NTRK1: variants seen among roughly 807,000 people sequenced by gnomAD.
The protein encoded by NTRK1 is neurotrophic receptor tyrosine kinase 1, also known as high affinity nerve growth factor receptor.
A neutral mutation model predicts 86.8 loss-of-function variants in NTRK1; 62 were observed. The observed-to-expected ratio is 0.71, with a 90% CI of 0.58 to 0.88. NTRK1 has a LOEUF of 0.88. NTRK1 is among the 40% of genes least tolerant of loss of function. The pLI, the probability that NTRK1 is intolerant of heterozygous loss-of-function variation, is 0.00. For missense variants in NTRK1, 967 were observed against 1,078.4 expected (o/e 0.90, Z 1.45); for synonymous variants, 469 against 456.6 (o/e 1.03, Z -0.35).
intron 2 of NTRK1, chr1:156,843,124 C>A (rs1398812423): frequency 5.0e-6 from 8 of 1,614,178 alleles, no homozygotes; most frequent in Non-Finnish European, 6.8e-6. Context: ...CCTCTCCAGC[C>A]TCAAGTCCTC....
At chr1:156,872,609 A>G (rs1647624205) in intron 7 of NTRK1, among the ~76,000 whole-genome samples, 1 of 151,236 alleles carries the variant, frequency 6.6e-6, no homozygotes, top group South Asian at 2.1e-4. Context: ...ATATATACAT[A>G]TATTTATGCA....
chr1:156,871,526 T>A, intron 6 of NTRK1, 97 bp from the exon 7 acceptor site: 3 of 1,305,424 alleles, frequency 2.3e-6, no homozygotes, highest in East Asian at 2.4e-5. Context: ...CCTCCTCTCC[T>A]TTCCATCTGG....
intron 2 of NTRK1, chr1:156,845,100 C>A (rs749098508): frequency 6.2e-7 from 1 of 1,610,164 alleles, no homozygotes; most frequent in Non-Finnish European, 8.5e-7. Context: ...CGCGCAAAGA[C>A]GAAGGTGGCG....
intron 2 of NTRK1, chr1:156,846,059 C>A (rs774562883): frequency 4.3e-6 from 7 of 1,612,876 alleles, no homozygotes; most frequent in South Asian, 1.1e-5. Flanking sequence ...TGGCTTCCAG[C>A]GCACCAGGAG....
intron 1 of NTRK1, chr1:156,841,678 G>A (rs767771384): frequency 3.1e-6 from 5 of 1,613,956 alleles, no homozygotes; most frequent in Admixed American, 1.7e-5. Flanking sequence ...ACATCCGAGT[G>A]GGTGGTGAAG....
At chr1:156,861,373 G>A (rs941070806) in intron 1 of NTRK1, among the ~76,000 whole-genome samples, 1 of 151,516 alleles carries the variant, frequency 6.6e-6, no homozygotes, top group African/African-American at 2.4e-5. Flanking sequence ...CAGCTGGGCC[G>A]CCGGCTTCAG....
At chr1:156,848,835 G>A in intron 2 of NTRK1, 1 of 1,471,218 alleles carries the variant, frequency 6.8e-7, no homozygotes, top group Non-Finnish European at 9.1e-7. Flanking sequence ...TAGCCTCGCT[G>A]AGCTCCGCCC....
At chr1:156,842,586 A>G in intron 2 of NTRK1, 1 of 1,063,082 alleles carries the variant, frequency 9.4e-7, no homozygotes. Flanking sequence ...TGCTATGACC[A>G]CAGTCTGACT....
chr1:156,815,822 C>T (rs1571628044), exon 1 of NTRK1: 16 of 1,614,146 alleles, frequency 9.9e-6, no homozygotes, highest in Non-Finnish European at 1.4e-5. Flanking sequence ...GAGTGGGCAA[C>T]TCGGCGCATG....
rs2102910464 is a variant in NTRK1 at position 156,874,656 on chromosome 1, C to T, written c.1251+30C>T. 5 of 1,605,198 alleles carry T rather than the reference C, an allele frequency of 3.1e-6. No homozygotes were observed. The South Asian group carries it at 3.3e-5, about 11-fold the overall frequency. On this transcript the variant is annotated intron_variant, in intron 10 of 16. Transcript: ENST00000524377. The stretch of plus-strand genomic sequence containing the variant: ...GATAGGAAGTAGAAGCTTGTGCAGA[C>T]TTTGGGACCGGGAGGCTGGGTAGAG...
At chr1:156,864,900 C>T (rs530190019) in intron 3 of NTRK1, 101 bp downstream of exon 3, 1 of 1,206,874 alleles carries the variant, frequency 8.3e-7, no homozygotes, top group East Asian at 2.4e-5. Flanking sequence ...CGAGGAGGGC[C>T]CAAGCCTGGT....
intron 2 of NTRK1, chr1:156,843,426 C>G: frequency 1.2e-6 from 2 of 1,614,158 alleles, no homozygotes; most frequent in South Asian, 2.2e-5. Context: ...CCCAGACCTA[C>G]TATCAGAGGC....
intron 1 of NTRK1, among the ~76,000 whole-genome samples, chr1:156,839,891 A>C (rs1480217543): frequency 6.6e-6 from 1 of 152,116 alleles, no homozygotes; most frequent in Non-Finnish European, 1.5e-5. Context: ...CCTCACTGCC[A>C]TGGCAACCCT....
rs6340 is a variant in NTRK1, at chr1:156,864,755, C to T, written c.315C>T (p.Phe105=). 197 of 1,614,064 alleles carry T rather than the reference C, an allele frequency of 1.2e-4. No homozygotes were observed. The highest frequency in any genetic ancestry group is 9.6e-4 in the African/African-American group (72 of 75,022). The change falls in exon 3 of 17, where the codon TTC becomes TTT. Residue 105 remains phenylalanine, a synonymous_variant. Transcript: ENST00000524377. ...CCATCGTGAAGAGTGGTCTCCGTTT[C>T]GTGGCGCCAGATGCCTTCCATTTCA... ...NLTIVKSGLR[F]VAPDAFHFTP... is the part of the protein sequence containing the mutation.
chr1:156,835,661 C>T (rs572381742), intron 1 of NTRK1, among the ~76,000 whole-genome samples: 46 of 152,306 alleles, frequency 3.0e-4, no homozygotes, highest in African/African-American at 1.0e-3. Flanking sequence ...CTCCATAGTT[C>T]ATCCTGGCCA....
chr1:156,844,301 G>T, intron 2 of NTRK1: 3 of 1,598,282 alleles, frequency 1.9e-6, no homozygotes, highest in Non-Finnish European at 2.6e-6. Flanking sequence ...GAGGGCAGCA[G>T]AGGGTAGAGT....
chr1:156,836,107 C>T (rs1000002692), intron 1 of NTRK1, among the ~76,000 whole-genome samples: 1 of 152,210 alleles, frequency 6.6e-6, no homozygotes. Context: ...CAGCCCCCCT[C>T]CTCCTGTCCA....
chr1:156,845,733 C>T, intron 2 of NTRK1: 2 of 1,613,742 alleles, frequency 1.2e-6, no homozygotes, highest in Non-Finnish European at 1.7e-6. Flanking sequence ...GCAAGGGCAG[C>T]AGTCGGACTC....
At chr1:156,819,873 G>C (rs1021009464) in intron 1 of NTRK1, among the ~76,000 whole-genome samples, 1 of 152,166 alleles carries the variant, frequency 6.6e-6, no homozygotes, top group South Asian at 2.1e-4. Flanking sequence ...TGGGCACTGG[G>C]TGTTGTTGGA....
Sources: allele counts gnomAD v4.1 joint callset (sites outside exome capture counted in the v4.1 genomes callset), GRCh38; gene constraint gnomAD v4.1.1; transcripts MANE v1.5; gene names NCBI Gene and HGNC (gene_info 2026-07-23, HGNC 2026-07-21).